Variants in POLR2F observed in about 807,000 individuals in gnomAD.
The protein encoded by POLR2F is DNA-directed RNA polymerases I, II, and III subunit RPABC2.
POLR2F carries 12 observed loss-of-function variants against 22.7 expected under a neutral mutation model. That is an observed-to-expected ratio of 0.53 (90% CI 0.34 to 0.86). The LOEUF (loss-of-function observed/expected upper bound fraction) is 0.86, where lower values mean the gene tolerates loss of function less well. Ranked by LOEUF, POLR2F falls within the 40% of genes least tolerant of loss-of-function variation. The pLI is 0.02. For synonymous variants in POLR2F, 57 were observed against 66.0 expected (o/e 0.86, Z 0.66); for missense variants, 126 against 171.5 (o/e 0.73, Z 1.48).
chr22:37,965,617 T>C (rs1369166955), intron 3 of POLR2F, among the ~76,000 whole-genome samples: 5 of 152,216 alleles, frequency 3.3e-5, no homozygotes, highest in Admixed American at 2.6e-4. Flanking sequence ...TAAATACTTA[T>C]TAAGAGAGGA....
At chr22:38,014,140 AAG>A (rs1415140995) in intron 1 of POLR2F, among the ~76,000 whole-genome samples, 48 of 151,552 alleles carry the variant, frequency 3.2e-4, no homozygotes, top group African/African-American at 1.0e-3. Context: ...AAAAAAAAAA[AAG>A]AAAAAAGAAA....
At chr22:38,032,968 A>G (rs2085080594) in intron 5 of POLR2F, 1 of 165,804 alleles carries the variant, frequency 6.0e-6, no homozygotes, top group Non-Finnish European at 1.5e-5. Flanking sequence ...CACACGGAGC[A>G]TGACATAATT....
chr22:38,023,044 G>C (rs181755667), intron 1 of POLR2F, among the ~76,000 whole-genome samples: 1 of 152,124 alleles, frequency 6.6e-6, no homozygotes, highest in Admixed American at 6.6e-5. Flanking sequence ...AACAAACAAA[G>C]AAACAGAAAT....
chr22:37,979,797 G>A (rs970050352), intron 4 of POLR2F, among the ~76,000 whole-genome samples: 3 of 152,036 alleles, frequency 2.0e-5, no homozygotes, highest in African/African-American at 7.3e-5. Flanking sequence ...GGGGTCGAGG[G>A]GAAAGTCCAG....
In POLR2F at chr22:37,986,328, TCCTTCCACC is replaced by T; in HGVS notation, c.120+20_120+28del. ...CTCTCTCCCGGTGGGTCCCCACTCA[TCCTTCCACC>T]CCTCAGTTCCTCCTCTTTGAGGAAA... On this transcript the variant is annotated intron_variant, in intron 1 of 2. Transcript: ENST00000333418. The surrounding 1 kb of genome is among the most constrained non-coding windows in gnomAD (Gnocchi z 4.7). 1 of 1,534,034 alleles carries T rather than the reference TCCTTCCACC, an allele frequency of 6.5e-7. No individual in the cohort carries two copies. Among genetic ancestry groups the T allele is most frequent in the Non-Finnish European group, 8.7e-7 (1 of 1,145,048 alleles).
chr22:38,036,029 G>A (rs957194363), intron 5 of POLR2F, among the ~76,000 whole-genome samples: 7 of 148,196 alleles, frequency 4.7e-5, no homozygotes, highest in African/African-American at 1.5e-4. Flanking sequence ...AGGCTGGAGT[G>A]CAGTGGCAGG....
At chr22:38,001,281 G>A (rs1217210849) in intron 1 of POLR2F, among the ~76,000 whole-genome samples, 2 of 152,216 alleles carry the variant, frequency 1.3e-5, no homozygotes, top group East Asian at 3.8e-4. Flanking sequence ...GCTCTCGACC[G>A]TGCCTGCTGG....
At position 37,986,901 on chromosome 22, in the gene POLR2F, G is replaced by A. The variant is rs2145783076; in HGVS notation, c.120+589G>A. The A allele has an allele frequency of 2.2e-6, 1 of 451,706 alleles. No homozygotes were observed. The allele number at this position is 451,706 out of a possible 1,614,324, so 28.0% of individuals were successfully genotyped here. On this transcript the variant is annotated intron_variant, in intron 1 of 2. Coordinates refer to the POLR2F transcript ENST00000333418. This position sits in a 1 kb window ranked among gnomAD's most constrained non-coding sequence, Gnocchi z 4.7. ...CCTGAAGAGCAGGGAGCTTGGAGAG[G>A]GGAGGGATCCTGGCTGAAGACACCT...
At chr22:38,010,600 G>GTTTTT (rs2084862549) in intron 1 of POLR2F, among the ~76,000 whole-genome samples, 2 of 103,546 alleles carry the variant, frequency 1.9e-5, no homozygotes, top group South Asian at 3.3e-4. Flanking sequence ...ATAATTCCTT[G>GTTTTT]TGTTTTTTTT....
intron 3 of POLR2F, among the ~76,000 whole-genome samples, chr22:37,961,756 C>T (rs575284210): frequency 4.6e-5 from 7 of 152,166 alleles, no homozygotes; most frequent in African/African-American, 1.7e-4. Flanking sequence ...AGAATAGTTC[C>T]TCCTCCTTTC....
At chr22:37,977,937 G>T in intron 4 of POLR2F, 1 of 1,612,784 alleles carries the variant, frequency 6.2e-7, no homozygotes, top group South Asian at 1.1e-5. Context: ...CCAAGTGGGC[G>T]CTCTTGTAGT....
rs1356529677 is a variant in POLR2F, at chr22:37,980,431, C to T, written c.293+13261C>T. On this transcript the variant is annotated intron_variant, in intron 4 of 4. Transcript: ENST00000405557. The surrounding 1 kb of genome is among the most constrained non-coding windows in gnomAD (Gnocchi z 4.1). ...AGGGGCCAGAAGAGAGAGAGGATTC[C>T]AACATCGGATTCCGCTGCTACCTCC... 1.3e-5 allele frequency among the ~76,000 whole-genome samples: 2 copies of T among 152,134 alleles called. No individual in the cohort carries two copies. The highest frequency in any genetic ancestry group is 4.8e-5 in the African/African-American group (2 of 41,414).
At chr22:38,028,489 CGTGT>C (rs149598405), downstream of POLR2F, among the ~76,000 whole-genome samples, 17 of 151,274 alleles carry the variant, frequency 1.1e-4, no homozygotes, top group Non-Finnish European at 2.2e-4. Flanking sequence ...TCTGTGTGTG[CGTGT>C]GTGTGTGTGC....
chr22:37,974,105 C>T, downstream of POLR2F: 2 of 1,613,716 alleles, frequency 1.2e-6, no homozygotes, highest in Non-Finnish European at 1.7e-6. The surrounding 1 kb of genome is among the most constrained non-coding windows in gnomAD (Gnocchi z 5.4). Flanking sequence ...CCCGCCCTCC[C>T]CCATGGAGCG....
upstream of POLR2F, among the ~76,000 whole-genome samples, chr22:37,981,687 C>G (rs1932401107): frequency 6.6e-6 from 1 of 152,204 alleles, no homozygotes; most frequent in Non-Finnish European, 1.5e-5. Flanking sequence ...TCCTGGTTGT[C>G]TGTTTCTCAC....
At chr22:38,009,135 G>T (rs2084850055) in intron 1 of POLR2F, among the ~76,000 whole-genome samples, 1 of 152,252 alleles carries the variant, frequency 6.6e-6, no homozygotes, top group Non-Finnish European at 1.5e-5. Context: ...ACAGCCAGGA[G>T]GCCAGTGCAG....
At chr22:37,996,602 C>T (rs1364072914) in intron 1 of POLR2F, among the ~76,000 whole-genome samples, 1 of 152,230 alleles carries the variant, frequency 6.6e-6, no homozygotes, top group Non-Finnish European at 1.5e-5. Context: ...TCCTGTGTGC[C>T]CAGCCCTGTG....
At chr22:37,998,834 G>GGGAGAGGAGA (rs879845284) in intron 1 of POLR2F, among the ~76,000 whole-genome samples, 3 of 151,982 alleles carry the variant, frequency 2.0e-5, no homozygotes, top group Middle Eastern at 3.4e-3. Flanking sequence ...GAGAGAGAGA[G>GGGAGAGGAGA]GGAGAGGAGA....
upstream of POLR2F, among the ~76,000 whole-genome samples, chr22:37,982,527 C>G (rs571222847): frequency 3.3e-5 from 5 of 152,114 alleles, no homozygotes; most frequent in Non-Finnish European, 7.4e-5. Context: ...TCCCAGGGAA[C>G]CTGGGACTCT....
Sources: allele counts gnomAD v4.1 joint callset (sites outside exome capture counted in the v4.1 genomes callset), GRCh38; gene constraint gnomAD v4.1.1; non-coding constraint Gnocchi (gnomAD v3.1); transcripts MANE v1.5; gene names NCBI Gene and HGNC (gene_info 2026-07-23, HGNC 2026-07-21).